Variants in ACVR1B observed in about 807,000 individuals in gnomAD.
The protein encoded by ACVR1B is activin A receptor type 1B.
ACVR1B carries 15 observed loss-of-function variants against 55.6 expected under a neutral mutation model. The ratio of observed to expected loss-of-function variants is 0.27; its 90% CI spans 0.18 to 0.42. The LOEUF (loss-of-function observed/expected upper bound fraction) is 0.42. ACVR1B is among the 10% of genes least tolerant of loss of function. The probability of loss-of-function intolerance (pLI) is 1.00; values close to 1 mark genes in which losing one functional copy is unlikely to be tolerated. For synonymous variants in ACVR1B, 247 were observed against 254.6 expected (o/e 0.97, Z 0.28); for missense variants, 359 against 670.1 (o/e 0.54, Z 5.13).
intron 3 of ACVR1B, among the ~76,000 whole-genome samples, chr12:51,980,070 G>A (rs1009260551): frequency 2.0e-4 from 31 of 152,146 alleles, no homozygotes; most frequent in African/African-American, 7.2e-4. Flanking sequence ...CTTACTGCTT[G>A]TATGAATTTG....
At chr12:51,962,979 T>G (rs1941564698) in intron 1 of ACVR1B, among the ~76,000 whole-genome samples, 1 of 152,088 alleles carries the variant, frequency 6.6e-6, no homozygotes, top group Non-Finnish European at 1.5e-5. Flanking sequence ...GTTCAGAGAT[T>G]CCCGGACACG....
In ACVR1B at chr12:51,969,991, A is replaced by G. The variant is rs1035164754; in HGVS notation, c.92-5274A>G. Among the ~76,000 whole-genome samples, 4 of 152,216 alleles carry G rather than the reference A, an allele frequency of 2.6e-5. No homozygotes were observed. The East Asian group carries it at 7.7e-4, about 29-fold the overall frequency. ...GTCACCAATATGAAGTAAGGAATTC[A>G]TGGTGAAACCTTGAGGTTTCCAGTG... On this transcript the variant is annotated intron_variant, in intron 1 of 8. Coordinates refer to ENST00000257963, the MANE Select transcript of ACVR1B (RefSeq NM_004302.5).
chr12:51,986,461 T>C (rs1213289117), intron 6 of ACVR1B, among the ~76,000 whole-genome samples: 1 of 152,158 alleles, frequency 6.6e-6, no homozygotes, highest in Non-Finnish European at 1.5e-5. Context: ...GGTTTCGCGA[T>C]GTTGGCCAGG....
chr12:51,960,993 ATAT>A (rs1941512010), intron 1 of ACVR1B, among the ~76,000 whole-genome samples: 1 of 138,904 alleles, frequency 7.2e-6, no homozygotes, highest in Non-Finnish European at 1.6e-5. Context: ...AGTGTAGCTA[ATAT>A]TTTTTCACAG....
chr12:51,994,208 C>T lies in ACVR1B; in HGVS notation c.*98C>T, dbSNP rs892302728. On this transcript the variant is annotated 3_prime_UTR_variant, in exon 9 of 9. Coordinates refer to ENST00000257963, the MANE Select transcript of ACVR1B (RefSeq NM_004302.5). This position sits in a 1 kb window ranked among gnomAD's most constrained non-coding sequence, Gnocchi z 4.2. ...AGGCCTACCTCTCGTTTCTGCCCAG[C>T]CCTCTGTGGCCAGGAGCCCTGGCCC... 6.6e-7 allele frequency: 1 copy of T among 1,524,912 alleles called. No individual in the cohort carries two copies. The allele number at this position is 1,524,912 out of a possible 1,614,324, so 94.5% of individuals were successfully genotyped here. A position where few individuals can be genotyped will look rare whatever the true frequency, so the allele number is the denominator to read the frequency against.
At chr12:51,952,653 CG>C (rs1325036279) in intron 1 of ACVR1B, among the ~76,000 whole-genome samples, 11 of 152,170 alleles carry the variant, frequency 7.2e-5, no homozygotes, top group Admixed American at 1.3e-4. Context: ...CACCCTACCC[CG>C]GGGGGCCCAT....
intron 1 of ACVR1B, among the ~76,000 whole-genome samples, chr12:51,958,644 C>CAAAA (rs34307946): frequency 1.1e-5 from 1 of 90,602 alleles, no homozygotes; most frequent in Non-Finnish European, 2.4e-5. Context: ...TGAGACTCCT[C>CAAAA]AAAAAAAAAA....
chr12:51,985,465 C>A, intron 6 of ACVR1B, 117 bp downstream of exon 6: 1 of 1,211,236 alleles, frequency 8.3e-7, no homozygotes. Context: ...GGACCTTGCT[C>A]TCAGCCCACT....
At position 51,996,937 on chromosome 12, in the gene ACVR1B, G is replaced by C. The variant is rs969714265; in HGVS notation, c.*2827G>C. 6.6e-6 allele frequency: 1 copy of C among 152,618 alleles called. No homozygotes were observed. Among genetic ancestry groups the C allele is most frequent in the Admixed American group, 6.5e-5 (1 of 15,284 alleles). The allele number at this position is 152,618 out of a possible 1,614,324, so 9.5% of individuals were successfully genotyped here. On this transcript the variant is annotated 3_prime_UTR_variant, in exon 9 of 9. Transcript: ENST00000257963. ...TTGTTTTTGTACATTTTATTAGAAA[G>C]GACTGTAAAATAGCCACTTAGACAC...
chr12:51,961,378 A>G (rs1383438334), intron 1 of ACVR1B, among the ~76,000 whole-genome samples: 1 of 152,192 alleles, frequency 6.6e-6, no homozygotes, highest in Non-Finnish European at 1.5e-5. Context: ...CTCTAATGTT[A>G]TTATAATCTT....
At chr12:51,984,323 A>C (rs537183140) in intron 5 of ACVR1B, among the ~76,000 whole-genome samples, 157 bp downstream of exon 5, 1 of 152,354 alleles carries the variant, frequency 6.6e-6, no homozygotes, top group African/African-American at 2.4e-5. Flanking sequence ...AGCTTCACTT[A>C]AGTGAGGTAT....
chr12:51,988,196 G>A (rs374556771), intron 7 of ACVR1B, among the ~76,000 whole-genome samples: 4 of 152,274 alleles, frequency 2.6e-5, no homozygotes, highest in African/African-American at 4.8e-5. Flanking sequence ...GAGGCCAGGC[G>A]CAGTGGCTCA....
intron 4 of ACVR1B, chr12:51,982,898 C>G: frequency 7.6e-7 from 1 of 1,317,836 alleles, no homozygotes; most frequent in South Asian, 1.8e-5. Context: ...TCTCTTTGAA[C>G]TTGTTAGCAG....
chr12:51,962,627 C>A (rs1445496727), intron 1 of ACVR1B, among the ~76,000 whole-genome samples: 1 of 151,870 alleles, frequency 6.6e-6, no homozygotes, highest in Non-Finnish European at 1.5e-5. Context: ...GCCTTCCTGC[C>A]CCCCAAGAAA....
chr12:51,963,202 TCAC>T (rs1168449700), intron 1 of ACVR1B, among the ~76,000 whole-genome samples: 1 of 152,070 alleles, frequency 6.6e-6, no homozygotes, highest in East Asian at 1.9e-4. Context: ...GTGCAAACCA[TCAC>T]CACTATTTTT....
chr12:51,960,694 C>G (rs1488335593), intron 1 of ACVR1B, among the ~76,000 whole-genome samples: 1 of 152,190 alleles, frequency 6.6e-6, no homozygotes, highest in African/African-American at 2.4e-5. Context: ...AAGTCCAAAA[C>G]ATGTGCTCTA....
At chr12:51,957,805 T>G (rs1214040568) in intron 1 of ACVR1B, among the ~76,000 whole-genome samples, 1 of 152,210 alleles carries the variant, frequency 6.6e-6, no homozygotes, top group East Asian at 1.9e-4. Flanking sequence ...GAACTAAGCT[T>G]CTCTAACATG....
intron 1 of ACVR1B, among the ~76,000 whole-genome samples, chr12:51,972,412 T>G (rs1477693289): frequency 6.6e-6 from 1 of 152,180 alleles, no homozygotes; most frequent in Non-Finnish European, 1.5e-5. Flanking sequence ...TAGATACAGA[T>G]GATTCTTGTG....
At chr12:51,988,971 G>A (rs886315096) in intron 7 of ACVR1B, among the ~76,000 whole-genome samples, 30 of 151,928 alleles carry the variant, frequency 2.0e-4, no homozygotes, top group African/African-American at 7.3e-5. Flanking sequence ...AAAAAAATTA[G>A]CCAGACATAA....
Sources: allele counts gnomAD v4.1 joint callset (sites outside exome capture counted in the v4.1 genomes callset), GRCh38; gene constraint gnomAD v4.1.1; non-coding constraint Gnocchi (gnomAD v3.1); transcripts MANE v1.5; gene names NCBI Gene and HGNC (gene_info 2026-07-23, HGNC 2026-07-21).